The following PCLO variants were observed in gnomAD, a reference collection of about 807,000 sequenced individuals.
PCLO encodes the protein protein piccolo.
PCLO carries 82 observed loss-of-function variants against 427.5 expected under a neutral mutation model. The ratio of observed to expected loss-of-function variants is 0.19; its 90% confidence interval spans 0.16 to 0.23. The LOEUF (loss-of-function observed/expected upper bound fraction) is 0.23, where lower values mean the gene tolerates loss of function less well. Ranked by LOEUF, PCLO falls within the 10% of genes least tolerant of loss-of-function variation. The pLI, the probability that PCLO is intolerant of heterozygous loss-of-function variation, is 1.00. For synonymous variants in PCLO, 2,357 were observed against 2,155.4 expected, an observed-to-expected ratio of 1.09 and a Z score of -2.59; for missense variants, 6,239 against 6,115.9, an observed-to-expected ratio of 1.02 and a Z score of -0.67.
chr7:83,116,123 A>G (rs1253260604), intron 3 of PCLO, among the ~76,000 whole-genome samples: 1 of 152,090 alleles, frequency 6.6e-6, no homozygotes, highest in Non-Finnish European at 1.5e-5. Flanking sequence ...GCATGAAACT[A>G]CCATGTAAAT....
intron 3 of PCLO, among the ~76,000 whole-genome samples, chr7:83,132,331 C>T (rs1791595425): frequency 6.6e-6 from 1 of 152,190 alleles, no homozygotes; most frequent in Non-Finnish European, 1.5e-5. Context: ...AATACGATCA[C>T]TCACATTTGA....
chr7:83,094,790 T>C (rs1433414824), intron 3 of PCLO, among the ~76,000 whole-genome samples: 1 of 152,186 alleles, frequency 6.6e-6, no homozygotes, highest in African/African-American at 2.4e-5. Flanking sequence ...TACTTGCATG[T>C]TTAGTTTTTT....
chr7:82,783,057 C>T (rs1790906928), intron 22 of PCLO, among the ~76,000 whole-genome samples: 1 of 152,080 alleles, frequency 6.6e-6, no homozygotes. Context: ...AAAACTAGGC[C>T]TCAAAGGAGC....
chr7:82,813,213 A>T (rs2115582911), intron 20 of PCLO, among the ~76,000 whole-genome samples: 1 of 151,860 alleles, frequency 6.6e-6, no homozygotes, highest in South Asian at 2.1e-4. Flanking sequence ...CAGTTATTTG[A>T]TAAATGCACG....
chr7:82,813,460 T>C (rs887207439), intron 20 of PCLO, among the ~76,000 whole-genome samples: 50 of 151,804 alleles, frequency 3.3e-4, no homozygotes, highest in African/African-American at 9.4e-4. Flanking sequence ...CAGATATTTT[T>C]AAACATGATG....
intron 22 of PCLO, among the ~76,000 whole-genome samples, chr7:82,773,925 G>C (rs942083947): frequency 1.3e-5 from 2 of 152,078 alleles, no homozygotes; most frequent in Non-Finnish European, 2.9e-5. Context: ...TTCCAATCCT[G>C]TCTGTTGTGG....
chr7:82,966,117 T>G lies in PCLO; in HGVS notation c.3671A>C (p.Glu1224Ala). 1.2e-6 allele frequency: 2 copies of G among 1,606,388 alleles called. No individual in the cohort carries two copies. The highest frequency in any genetic ancestry group is 3.4e-5 in the Admixed American group (2 of 58,204). The change falls in exon 4 of 25, where the codon GAA becomes GCA. Residue 1224 changes from glutamate to alanine, a missense_variant. Physicochemically the swap from Glu to Ala is moderately radical, Grantham distance 107. Transcript: ENST00000333891. The stretch of plus-strand genomic sequence containing the variant: ...TTTTTCTTCAGAACGTATCTTTTCT[T>G]CTTCAGGGATTAGTTTTTTTTCTTC... Reference protein sequence around the residue: ...LPEEKKLIPEEEKIRSEEKKP... With the variant: ...LPEEKKLIPEAEKIRSEEKKP...
At chr7:82,783,566 G>A (rs1466229379) in intron 22 of PCLO, among the ~76,000 whole-genome samples, 1 of 152,096 alleles carries the variant, frequency 6.6e-6, no homozygotes, top group Non-Finnish European at 1.5e-5. Flanking sequence ...AGCTTGCAGT[G>A]AGCTGAGATC....
intron 6 of PCLO, among the ~76,000 whole-genome samples, chr7:82,934,336 T>C (rs1794904127): frequency 6.6e-6 from 1 of 151,844 alleles, no homozygotes; most frequent in Non-Finnish European, 1.5e-5. Context: ...AGTATATTAA[T>C]TAAACTGTGT....
At chr7:83,081,548 C>T (rs1236899570) in intron 3 of PCLO, among the ~76,000 whole-genome samples, 1 of 151,814 alleles carries the variant, frequency 6.6e-6, no homozygotes, top group Non-Finnish European at 1.5e-5. Flanking sequence ...TCTTAAATCT[C>T]ACAAATTATC....
chr7:82,897,534 T>G (rs1241821716), intron 9 of PCLO, among the ~76,000 whole-genome samples: 1 of 151,494 alleles, frequency 6.6e-6, no homozygotes, highest in Non-Finnish European at 1.5e-5. Flanking sequence ...TATAAATTCC[T>G]TGACTGTTGC....
chr7:83,123,683 CA>C (rs1791343721), intron 3 of PCLO, among the ~76,000 whole-genome samples: 1 of 152,076 alleles, frequency 6.6e-6, no homozygotes, highest in African/African-American at 2.4e-5. Context: ...AGTGAAGGGA[CA>C]ACCCATATAA....
chr7:83,109,680 T>C (rs1790953505), intron 3 of PCLO, among the ~76,000 whole-genome samples: 2 of 152,134 alleles, frequency 1.3e-5, no homozygotes, highest in South Asian at 4.1e-4. Context: ...CTCATTTTCA[T>C]ATATTTTTAA....
intron 3 of PCLO, among the ~76,000 whole-genome samples, chr7:83,034,868 C>T (rs1312466385): frequency 1.3e-5 from 2 of 152,250 alleles, no homozygotes; most frequent in East Asian, 1.9e-4. Context: ...ATGAGTGACT[C>T]CTAAGTAAGA....
At chr7:82,931,103 G>T (rs1400185356) in intron 6 of PCLO, among the ~76,000 whole-genome samples, 1 of 152,014 alleles carries the variant, frequency 6.6e-6, no homozygotes, top group Non-Finnish European at 1.5e-5. Context: ...AAAGACTAAG[G>T]ATTTCAGGAT....
At position 82,956,237 on chromosome 7, in the gene PCLO, A is replaced by T. The variant is rs908551167; in HGVS notation, c.4716T>A (p.Ser1572=). The T allele has an allele frequency of 3.1e-6, 5 of 1,611,312 alleles. No individual in the cohort carries two copies. Among genetic ancestry groups the T allele is most frequent in the Non-Finnish European group, 4.2e-6 (5 of 1,179,858 alleles). The change falls in exon 5 of 25, where the codon TCT becomes TCA. Residue 1572 remains serine, a synonymous_variant. Transcript: ENST00000333891. The stretch of plus-strand genomic sequence containing the variant: ...GGTTTCTGATGAACTCATCATCTTC[A>T]GAACCTGAAGCATCTTCATCAGCAC... The part of the protein sequence containing the change: ...EMSADEDASG[S]EDDEFIRNQL...
Position 83,069,760 on chromosome 7 carries a change from C to T in PCLO, c.3300+64490G>A, listed in dbSNP as rs917519983. On this transcript the variant is annotated intron_variant, in intron 3 of 24. Coordinates refer to ENST00000333891, the MANE Select transcript of PCLO (RefSeq NM_033026.6). ...TATATTCTTGGCTCTTCACAACATA[C>T]TCTAAAGATTCTCCACCTCCCCCAC... 5.3e-5 allele frequency among the ~76,000 whole-genome samples: 8 copies of T among 149,732 alleles called. No homozygotes were observed. In the Admixed American group the frequency reaches 5.4e-4, roughly 10 times the overall value.
rs749122321 is a variant in PCLO at position 82,956,585 on chromosome 7, A to G, written c.4368T>C (p.Ser1456=). Residue 1456 remains serine, a synonymous_variant, in exon 5 of 25, where the codon TCT becomes TCC. Coordinates refer to ENST00000333891, the MANE Select transcript of PCLO (RefSeq NM_033026.6). ...CTGAAATAGTAATTTCCAAGGTTTC[A>G]GATAAACTCTGAGTTTTCTCTTGGT... is the stretch of plus-strand genomic sequence containing the variant. The part of the protein sequence containing the change: ...PKDQEKTQSL[S]ETLEITISEE... 198 of 1,613,144 alleles carry G rather than the reference A, an allele frequency of 1.2e-4. No individual in the cohort carries two copies. Among genetic ancestry groups the G allele is most frequent in the Non-Finnish European group, 1.6e-4 (189 of 1,179,692 alleles).
At chr7:83,115,296 G>C (rs1360150526) in intron 3 of PCLO, among the ~76,000 whole-genome samples, 1 of 151,982 alleles carries the variant, frequency 6.6e-6, no homozygotes, top group Non-Finnish European at 1.5e-5. Flanking sequence ...TTGAGATAAT[G>C]AGAGTAACGG....
Sources: gnomAD v4.1 joint callset for allele counts (sites outside exome capture counted in the v4.1 genomes callset) on GRCh38, gnomAD v4.1.1 for gene constraint, MANE v1.5 for transcripts, NCBI Gene and HGNC (gene_info 2026-07-23, HGNC 2026-07-21) for gene names.